MCU: variants seen among roughly 807,000 people sequenced by gnomAD.
MCU encodes mitochondrial calcium uniporter, also known as calcium uniporter protein, mitochondrial.
A neutral mutation model predicts 45.2 loss-of-function variants in MCU; 12 were observed. The ratio of observed to expected loss-of-function variants is 0.27; its 90% confidence interval spans 0.17 to 0.43. MCU has a LOEUF of 0.43. MCU is among the 20% of genes least tolerant of loss of function. MCU has a pLI of 1.00. For missense variants in MCU, 324 were observed against 436.7 expected, an observed-to-expected ratio of 0.74 and a Z score of 2.30; for synonymous variants, 160 against 165.1, an observed-to-expected ratio of 0.97 and a Z score of 0.24.
At position 72,885,753 on chromosome 10, in the gene MCU, G is replaced by A. The variant is rs1219689105; in HGVS notation, c.987G>A (p.Met329Ile). 1 of 1,612,268 alleles carries A rather than the reference G, an allele frequency of 6.2e-7. No homozygotes were observed. Among genetic ancestry groups the A allele is most frequent in the African/African-American group, 1.3e-5 (1 of 74,822 alleles). Residue 329 changes from methionine to isoleucine, a missense_variant, in exon 8 of 8, where the codon ATG becomes ATA. Physicochemically the swap from Met to Ile is conservative, Grantham distance 10. This residue lies in a region of MCU where 76 missense variants were observed against 99.4 expected (regional missense o/e 0.76). Transcript: ENST00000373053. ...TTTTGTTTCTATTTTAGGCAGAAAT[G>A]GACCTTAAGAGACTGAGAGACCCAT... is the stretch of plus-strand genomic sequence containing the variant. ...QLKDAIAQAE[M>I]DLKRLRDPLQ...
At chr10:72,860,550 G>A (rs754203652) in intron 4 of MCU, 23 bp downstream of exon 4, 7 of 1,576,750 alleles carry the variant, frequency 4.4e-6, no homozygotes, top group African/African-American at 2.7e-5. Context: ...CCTTGGTAAG[G>A]TCACAGAAAT....
intron 1 of MCU, among the ~76,000 whole-genome samples, chr10:72,694,031 C>T (rs767038407): frequency 1.3e-5 from 2 of 152,114 alleles, no homozygotes; most frequent in Non-Finnish European, 2.9e-5. Flanking sequence ...GGATACTTCA[C>T]GAAGGTGTTC....
chr10:72,717,683 T>G (rs1332002642), intron 1 of MCU, among the ~76,000 whole-genome samples: 1 of 152,162 alleles, frequency 6.6e-6, no homozygotes, highest in Non-Finnish European at 1.5e-5. Context: ...AAACTAAAAT[T>G]GGCATAGATA....
At chr10:72,705,384 G>A (rs1842806676) in intron 1 of MCU, among the ~76,000 whole-genome samples, 1 of 152,122 alleles carries the variant, frequency 6.6e-6, no homozygotes, top group African/African-American at 2.4e-5. Flanking sequence ...AATATTTGTT[G>A]AAAGGATATA....
At chr10:72,839,284 C>T (rs1321707061) in intron 2 of MCU, among the ~76,000 whole-genome samples, 1 of 152,172 alleles carries the variant, frequency 6.6e-6, no homozygotes, top group Non-Finnish European at 1.5e-5. Context: ...GCCACTGTGG[C>T]TGGCCACAAC....
chr10:72,763,331 C>T (rs1480367495), intron 1 of MCU, among the ~76,000 whole-genome samples: 1 of 152,014 alleles, frequency 6.6e-6, no homozygotes, highest in African/African-American at 2.4e-5. Flanking sequence ...GCACCTAACC[C>T]AGTTTAGGAG....
Position 72,711,813 on chromosome 10 carries a change from G to A in MCU, c.150+19512G>A, listed in dbSNP as rs59835484. ...TGTAAGCTCCATCTCCCGGGTTCACGTCATTCTCCTGCCTCTGCCTCCCGA... is the reference window on the plus strand; with the variant it reads ...TGTAAGCTCCATCTCCCGGGTTCACATCATTCTCCTGCCTCTGCCTCCCGA... On this transcript the variant is annotated intron_variant, in intron 1 of 7. Coordinates refer to ENST00000373053, the MANE Select transcript of MCU (RefSeq NM_138357.3). Among the ~76,000 whole-genome samples the A allele has an allele frequency of 6.9e-3, 1,019 of 147,606 alleles. 14 individuals are homozygous for A. The highest frequency in any genetic ancestry group is 0.024 in the African/African-American group (962 of 40,008).
intron 1 of MCU, among the ~76,000 whole-genome samples, chr10:72,711,257 GT>G (rs1320783360): frequency 9.3e-6 from 1 of 107,268 alleles, no homozygotes; most frequent in Non-Finnish European, 1.8e-5. Context: ...GTCTCCCTTT[GT>G]CAACCAGGCT....
chr10:72,855,570 G>C (rs1845276343), intron 2 of MCU, among the ~76,000 whole-genome samples: 1 of 151,954 alleles, frequency 6.6e-6, no homozygotes, highest in African/African-American at 2.4e-5. Context: ...AGACAGATTA[G>C]GACCCTGTCT....
chr10:72,790,049 C>T (rs1345934665), intron 1 of MCU, among the ~76,000 whole-genome samples: 1 of 152,196 alleles, frequency 6.6e-6, no homozygotes, highest in Non-Finnish European at 1.5e-5. Flanking sequence ...GGTTCTAATT[C>T]AGACAGTGGT....
In MCU at chr10:72,884,362, C is replaced by T. The variant is rs768256585; in HGVS notation, c.958C>T (p.Leu320Phe). 6.2e-7 allele frequency: 1 copy of T among 1,604,520 alleles called. No individual in the cohort carries two copies. The highest frequency in any genetic ancestry group is 1.7e-5 in the Admixed American group (1 of 59,924). The change falls in exon 7 of 8, where the codon CTC (leucine) becomes TTC (phenylalanine). Residue 320 changes from leucine to phenylalanine, a missense_variant. This residue lies in a region of MCU where 76 missense variants were observed against 99.4 expected (regional missense o/e 0.76). Coordinates refer to ENST00000373053, the MANE Select transcript of MCU (RefSeq NM_138357.3). ...SRFDLEKYNQLKDAIAQAEMD... is the reference protein window; with the variant it reads ...SRFDLEKYNQFKDAIAQAEMD... ...TTTTGACCTAGAGAAATACAATCAACTCAAGGATGCAATTGCTCAGGTAAG... is the reference window on the plus strand; with the variant it reads ...TTTTGACCTAGAGAAATACAATCAATTCAAGGATGCAATTGCTCAGGTAAG...
intron 1 of MCU, among the ~76,000 whole-genome samples, chr10:72,790,610 C>T (rs918573987): frequency 2.0e-5 from 3 of 152,142 alleles, no homozygotes; most frequent in African/African-American, 7.2e-5. Flanking sequence ...TTGAAGTATA[C>T]ATCTCTTATT....
intron 1 of MCU, among the ~76,000 whole-genome samples, chr10:72,827,418 A>T (rs180974184): frequency 3.1e-4 from 47 of 152,362 alleles, no homozygotes; most frequent in Admixed American, 1.0e-3. Flanking sequence ...GTATCAAAAA[A>T]TGCTTATGGA....
At chr10:72,807,298 G>A (rs1221089372) in intron 1 of MCU, among the ~76,000 whole-genome samples, 3 of 151,800 alleles carry the variant, frequency 2.0e-5, no homozygotes, top group Admixed American at 2.0e-4. Context: ...AGAATTTTGA[G>A]GAGTATATTA....
At chr10:72,884,128 C>G (rs1455364086) in intron 6 of MCU, 138 bp from the exon 7 acceptor site, 1 of 610,378 alleles carries the variant, frequency 1.6e-6, no homozygotes, top group Non-Finnish European at 3.0e-6. Context: ...TAGAAATGTT[C>G]AGGTGGTGAT....
In MCU at chr10:72,860,513, G is replaced by A. The variant is rs146047894; in HGVS notation, c.482G>A (p.Arg161Gln). The change falls in exon 4 of 8, where the codon CGA becomes CAA. Residue 161 changes from arginine (R) to glutamine (Q), a missense_variant. Arg to Gln is a conservative substitution (Grantham distance 43). Coordinates refer to ENST00000373053, the MANE Select transcript of MCU (RefSeq NM_138357.3). Reference protein sequence around the residue: ...LVINDLTYHVRPPKRDLLSHE... With the variant: ...LVINDLTYHVQPPKRDLLSHE... Reference sequence around the variant, plus strand: ...ATTAATGACTTAACATACCACGTACGACCACCAAAAAGAGGTAAAATAGTA... The same window carrying A: ...ATTAATGACTTAACATACCACGTACAACCACCAAAAAGAGGTAAAATAGTA... 43 of 1,613,104 alleles carry A rather than the reference G, an allele frequency of 2.7e-5. No homozygotes were observed. In the African/African-American group the frequency reaches 4.8e-4, roughly 18 times the overall value.
intron 1 of MCU, among the ~76,000 whole-genome samples, chr10:72,720,532 C>T (rs930950383): frequency 2.0e-5 from 3 of 152,220 alleles, no homozygotes; most frequent in African/African-American, 7.2e-5. Context: ...GTTCCTTTCT[C>T]ATCATCTCAC....
intron 6 of MCU, among the ~76,000 whole-genome samples, chr10:72,871,785 C>T (rs1332843305): frequency 1.3e-5 from 2 of 152,146 alleles, no homozygotes; most frequent in East Asian, 1.9e-4. Flanking sequence ...GACTTCCACC[C>T]TCATGGAGCT....
At chr10:72,836,075 C>CT (rs1329471465) in intron 2 of MCU, among the ~76,000 whole-genome samples, 1 of 151,936 alleles carries the variant, frequency 6.6e-6, no homozygotes, top group Non-Finnish European at 1.5e-5. Flanking sequence ...CAGGTTCTGA[C>CT]TTACTCCATT....
Sources: gnomAD v4.1 joint callset for allele counts (sites outside exome capture counted in the v4.1 genomes callset) on GRCh38, gnomAD v4.1.1 for gene constraint, gnomAD v4.1.1 regional missense constraint, MANE v1.5 for transcripts, NCBI Gene and HGNC (gene_info 2026-07-23, HGNC 2026-07-21) for gene names.